WIPF1: variants seen among roughly 807,000 people sequenced by gnomAD.
The protein encoded by WIPF1 is WAS/WASL-interacting protein family member 1.
Under a neutral mutation model 35.4 loss-of-function variants are expected in WIPF1, and 13 were observed. The observed-to-expected ratio is 0.37, with a 90% CI of 0.24 to 0.58. WIPF1 has a LOEUF of 0.58. WIPF1 is among the 20% of genes least tolerant of loss of function. WIPF1 has a pLI of 0.74. For missense variants in WIPF1, 591 were observed against 667.0 expected, an observed-to-expected ratio of 0.89 and a Z score of 1.25; for synonymous variants, 267 against 266.3, an observed-to-expected ratio of 1.00 and a Z score of -0.02.
At position 174,596,659 on chromosome 2, in the gene WIPF1, G is replaced by A. The variant is rs1263065100; in HGVS notation, c.-39+942C>T. Among the ~76,000 whole-genome samples the A allele has an allele frequency of 4.6e-5, 7 of 151,926 alleles. No homozygotes were observed. In the East Asian group the frequency reaches 7.7e-4, roughly 17 times the overall value. On this transcript the variant is annotated intron_variant, in intron 1 of 7. Transcript: ENST00000679041. ...TCCCAGCACTTTGGGAGGCCGAGGCGGGCAGATCACTTGAGGTCAGGAGTT... is the reference window on the plus strand; with the variant it reads ...TCCCAGCACTTTGGGAGGCCGAGGCAGGCAGATCACTTGAGGTCAGGAGTT...
intron 1 of WIPF1, among the ~76,000 whole-genome samples, chr2:174,653,226 C>G (rs962054050): frequency 2.6e-5 from 4 of 152,248 alleles, no homozygotes; most frequent in Admixed American, 2.6e-4. Context: ...TGGTGTTAAC[C>G]ACTCCATGTT....
chr2:174,564,830 CACACACACACACA>C (rs1684598797), intron 7 of WIPF1, among the ~76,000 whole-genome samples: 1 of 151,226 alleles, frequency 6.6e-6, no homozygotes, highest in African/African-American at 2.4e-5. Context: ...CACACACACA[CACACACACACACA>C]CACACACACC....
chr2:174,575,109 A>G, intron 4 of WIPF1, 95 bp downstream of exon 4: 1 of 1,326,526 alleles, frequency 7.5e-7, no homozygotes, highest in Admixed American at 2.1e-5. Context: ...CAATATTTTA[A>G]TAAGGGCGAA....
intron 1 of WIPF1, among the ~76,000 whole-genome samples, chr2:174,595,128 A>G (rs1246793340): frequency 8.9e-6 from 1 of 111,734 alleles, no homozygotes; most frequent in Non-Finnish European, 1.8e-5. Flanking sequence ...ATATATATAT[A>G]TATATATATA....
In WIPF1 at chr2:174,581,280, C is replaced by T. The variant is rs1685232835; in HGVS notation, c.181+30G>A. The T allele has an allele frequency of 1.9e-6, 3 of 1,612,840 alleles. No individual in the cohort carries two copies. In the East Asian group the frequency reaches 6.7e-5, roughly 36 times the overall value. On this transcript the variant is annotated intron_variant, in intron 3 of 7. Coordinates refer to ENST00000679041, the MANE Select transcript of WIPF1 (RefSeq NM_001375834.1). ...GATTATTAGGCCATAAACTGTTCCT[C>T]TCCATGGTAGATAGCCTTTTTTTAC...
At chr2:174,671,296 A>G (rs1468350736) in intron 1 of WIPF1, among the ~76,000 whole-genome samples, 2 of 152,204 alleles carry the variant, frequency 1.3e-5, no homozygotes, top group Non-Finnish European at 2.9e-5. Flanking sequence ...CACTTCCCCA[A>G]TCAATACTCT....
At chr2:174,645,573 CA>C (rs1244792101) in intron 1 of WIPF1, among the ~76,000 whole-genome samples, 1 of 152,218 alleles carries the variant, frequency 6.6e-6, no homozygotes, top group Non-Finnish European at 1.5e-5. Flanking sequence ...AACAATCCTG[CA>C]AAAGCCAGCA....
intron 2 of WIPF1, among the ~76,000 whole-genome samples, chr2:174,583,754 T>C (rs1436595029): frequency 6.6e-6 from 1 of 152,214 alleles, no homozygotes; most frequent in Non-Finnish European, 1.5e-5. Context: ...CATGGATAAA[T>C]GAATCCTGCT....
At chr2:174,568,436 G>A (rs1684734712) in intron 5 of WIPF1, among the ~76,000 whole-genome samples, 1 of 152,182 alleles carries the variant, frequency 6.6e-6, no homozygotes, top group South Asian at 2.1e-4. Flanking sequence ...TAATTACTGT[G>A]ACATGATGAA....
intron 1 of WIPF1, among the ~76,000 whole-genome samples, chr2:174,635,811 T>C (rs1687171521): frequency 6.6e-6 from 1 of 152,164 alleles, no homozygotes. Context: ...GTCTTGAAAA[T>C]ATTACCCTAT....
intron 1 of WIPF1, among the ~76,000 whole-genome samples, chr2:174,595,107 AAAATATAT>A (rs1239396550): frequency 1.8e-4 from 7 of 37,902 alleles, no homozygotes; most frequent in African/African-American, 6.8e-4. Context: ...AAAAAAAAAA[AAAATATAT>A]ATATATATAT....
chr2:174,681,274 G>A (rs1337867736), intron 1 of WIPF1, among the ~76,000 whole-genome samples: 2 of 152,170 alleles, frequency 1.3e-5, no homozygotes, highest in Non-Finnish European at 2.9e-5. Flanking sequence ...CTCACAGGTG[G>A]CTGGGATTTG....
At chr2:174,620,190 T>C (rs1686632025) in intron 1 of WIPF1, among the ~76,000 whole-genome samples, 1 of 152,164 alleles carries the variant, frequency 6.6e-6, no homozygotes, top group Non-Finnish European at 1.5e-5. Context: ...ATTTCAGAAA[T>C]GGAAATCAGA....
intron 1 of WIPF1, among the ~76,000 whole-genome samples, chr2:174,593,910 A>G (rs1185127177): frequency 1.3e-5 from 2 of 152,214 alleles, no homozygotes; most frequent in Non-Finnish European, 2.9e-5. Flanking sequence ...CCATGGATAC[A>G]AGAGGGGAAA....
chr2:174,677,501 C>A (rs1308209835), intron 1 of WIPF1, among the ~76,000 whole-genome samples: 1 of 152,118 alleles, frequency 6.6e-6, no homozygotes, highest in African/African-American at 2.4e-5. Context: ...AAGCCCAGAA[C>A]AATAGCGATG....
chr2:174,575,650 C>G (rs891844794), intron 3 of WIPF1, among the ~76,000 whole-genome samples: 20 of 152,210 alleles, frequency 1.3e-4, no homozygotes, highest in East Asian at 5.8e-4. Flanking sequence ...GGGTCAGTAT[C>G]TGTTTGTTCC....
intron 1 of WIPF1, among the ~76,000 whole-genome samples, chr2:174,616,817 G>A (rs1686519823): frequency 6.6e-6 from 1 of 152,082 alleles, no homozygotes; most frequent in East Asian, 1.9e-4. Flanking sequence ...TATTTGACAA[G>A]AACTTTGTCA....
chr2:174,650,797 C>G (rs937529618), intron 1 of WIPF1, among the ~76,000 whole-genome samples: 11 of 152,366 alleles, frequency 7.2e-5, no homozygotes, highest in Non-Finnish European at 1.3e-4. Flanking sequence ...TTTCAGAAGG[C>G]TGGGCAGTGA....
intron 3 of WIPF1, among the ~76,000 whole-genome samples, chr2:174,580,719 C>T (rs1397774319): frequency 6.6e-6 from 1 of 152,204 alleles, no homozygotes; most frequent in Non-Finnish European, 1.5e-5. Flanking sequence ...GAAAGTACCT[C>T]AGACTTAGGT....
Sources: gnomAD v4.1 joint callset for allele counts (sites outside exome capture counted in the v4.1 genomes callset) on GRCh38, gnomAD v4.1.1 for gene constraint, MANE v1.5 for transcripts, NCBI Gene and HGNC (gene_info 2026-07-23, HGNC 2026-07-21) for gene names.